UNC13C: variants seen among roughly 807,000 people sequenced by gnomAD.
UNC13C encodes protein unc-13 homolog C.
In UNC13C, 174 loss-of-function variants were observed where a neutral mutation model predicts 245.4. The ratio of observed to expected loss-of-function variants is 0.71; its 90% CI spans 0.63 to 0.80. The LOEUF is 0.80. Ranked by LOEUF, UNC13C falls within the 30% of genes least tolerant of loss-of-function variation. UNC13C has a pLI of 0.00. For synonymous variants in UNC13C, 992 were observed against 895.1 expected (o/e 1.11, Z -1.93); for missense variants, 2,829 against 2,602.9 (o/e 1.09, Z -1.89).
chr15:53,931,542 C>T, the UNC13C span, among the ~76,000 whole-genome samples: 17 of 152,036 alleles, frequency 1.1e-4, no homozygotes, highest in South Asian at 3.3e-3. Flanking sequence ...TACAAATTGT[C>T]TTTGCTTCCT....
At chr15:54,421,435 G>C (rs1398968905) in intron 19 of UNC13C, among the ~76,000 whole-genome samples, 2 of 151,936 alleles carry the variant, frequency 1.3e-5, no homozygotes, top group Non-Finnish European at 2.9e-5. Context: ...TGGACCCCAG[G>C]TTCAAAACTT....
At chr15:54,579,379 C>T (rs1182772501) in intron 30 of UNC13C, among the ~76,000 whole-genome samples, 1 of 151,988 alleles carries the variant, frequency 6.6e-6, no homozygotes, top group African/African-American at 2.4e-5. Context: ...TAATTGATTG[C>T]CAAGGTGCAG....
the UNC13C span, among the ~76,000 whole-genome samples, chr15:53,957,519 T>C: frequency 1.3e-5 from 2 of 152,168 alleles, no homozygotes; most frequent in Non-Finnish European, 2.9e-5. Flanking sequence ...CAATATAATT[T>C]TTAAAAAATC....
intron 2 of UNC13C, among the ~76,000 whole-genome samples, chr15:54,038,528 C>A (rs1005609637): frequency 9.9e-5 from 15 of 152,052 alleles, no homozygotes; most frequent in Admixed American, 6.6e-5. Flanking sequence ...CTCCCATTTA[C>A]AAATGAGGTT....
intron 2 of UNC13C, among the ~76,000 whole-genome samples, chr15:54,120,930 T>C (rs2141193907): frequency 6.6e-6 from 1 of 152,276 alleles, no homozygotes; most frequent in South Asian, 2.1e-4. Flanking sequence ...GAGGAGTTGC[T>C]TCTTATGGAT....
At chr15:53,891,228 CT>C in the UNC13C span, among the ~76,000 whole-genome samples, 1 of 152,138 alleles carries the variant, frequency 6.6e-6, no homozygotes, top group African/African-American at 2.4e-5. Flanking sequence ...TTCTGAGAGA[CT>C]GTTTGTTATG....
At chr15:54,558,841 C>T (rs1339868691) in intron 29 of UNC13C, among the ~76,000 whole-genome samples, 2 of 152,048 alleles carry the variant, frequency 1.3e-5, no homozygotes, top group East Asian at 1.9e-4. Context: ...TCTATATGTG[C>T]AAACTAATAG....
At chr15:54,194,326 C>T (rs1048799639) in intron 4 of UNC13C, among the ~76,000 whole-genome samples, 1 of 152,100 alleles carries the variant, frequency 6.6e-6, no homozygotes, top group Non-Finnish European at 1.5e-5. Context: ...TCTTAAATTG[C>T]ACCCTTAGCT....
chr15:54,426,074 A>G (rs2040753346), intron 19 of UNC13C, among the ~76,000 whole-genome samples: 1 of 151,678 alleles, frequency 6.6e-6, no homozygotes, highest in Non-Finnish European at 1.5e-5. Flanking sequence ...TGTCCTGTTG[A>G]GTACATTGAG....
chr15:54,228,755 C>G (rs2140808134), intron 4 of UNC13C, among the ~76,000 whole-genome samples: 1 of 152,280 alleles, frequency 6.6e-6, no homozygotes, highest in South Asian at 2.1e-4. Flanking sequence ...GCTCTTCCCT[C>G]TCCCCTCCTT....
chr15:54,389,744 T>TC (rs996987485), intron 17 of UNC13C, among the ~76,000 whole-genome samples: 17 of 152,096 alleles, frequency 1.1e-4, no homozygotes, highest in Non-Finnish European at 2.4e-4. Flanking sequence ...TTTTTTTTTT[T>TC]CTGTGATGGA....
chr15:54,088,368 T>G (rs1242038085), intron 2 of UNC13C, among the ~76,000 whole-genome samples: 2 of 152,046 alleles, frequency 1.3e-5, no homozygotes, highest in Non-Finnish European at 2.9e-5. Context: ...TTAGGAAAAG[T>G]TGGGCAGAGA....
Position 54,306,114 on chromosome 15 carries a change from C to G in UNC13C, c.4268+5741C>G, listed in dbSNP as rs563812194. Among the ~76,000 whole-genome samples the G allele has an allele frequency of 1.2e-4, 19 of 152,142 alleles. No individual in the cohort carries two copies. The South Asian group carries it at 3.7e-3, about 30-fold the overall frequency. ...AGTCTGAAACTATTTTGCTGGTAAACCTGAGCATTAGGACTGAACGTCCCA... is the reference window on the plus strand; with the variant it reads ...AGTCTGAAACTATTTTGCTGGTAAAGCTGAGCATTAGGACTGAACGTCCCA... On this transcript the variant is annotated intron_variant, in intron 13 of 32. Transcript: ENST00000260323.
At chr15:54,088,871 G>A (rs1899401564) in intron 2 of UNC13C, among the ~76,000 whole-genome samples, 2 of 152,178 alleles carry the variant, frequency 1.3e-5, no homozygotes, top group South Asian at 4.1e-4. Context: ...AGAATTTGAG[G>A]AGGAGGAAAA....
intron 4 of UNC13C, among the ~76,000 whole-genome samples, chr15:54,211,270 G>T (rs557372330): frequency 6.6e-6 from 1 of 152,086 alleles, no homozygotes; most frequent in Non-Finnish European, 1.5e-5. Context: ...TTCTATAAAT[G>T]TTATGTAGAA....
intron 17 of UNC13C, among the ~76,000 whole-genome samples, chr15:54,344,942 AGCAGC>A (rs745965591): frequency 0.064 from 9,772 of 152,236 alleles, 387 homozygotes; most frequent in Admixed American, 0.11. Context: ...TTCTCAACAG[AGCAGC>A]CAGAATTATT....
At chr15:54,190,445 G>A (rs917510758) in intron 4 of UNC13C, among the ~76,000 whole-genome samples, 2 of 151,888 alleles carry the variant, frequency 1.3e-5, no homozygotes, top group African/African-American at 4.8e-5. Context: ...TATCTTTTTA[G>A]TGATGTTCTA....
chr15:54,533,489 T>C (rs1433887884), intron 26 of UNC13C, among the ~76,000 whole-genome samples: 1 of 152,214 alleles, frequency 6.6e-6, no homozygotes, highest in African/African-American at 2.4e-5. Context: ...TAGAATTAAC[T>C]TAGCTCAGAG....
At chr15:53,965,583 T>C in the UNC13C span, among the ~76,000 whole-genome samples, 267 of 150,534 alleles carry the variant, frequency 1.8e-3, no homozygotes, top group African/African-American at 6.2e-3. Context: ...ATTATTATTA[T>C]ACTTTAAGTT....
Sources: allele counts gnomAD v4.1 joint callset (sites outside exome capture counted in the v4.1 genomes callset), GRCh38; gene constraint gnomAD v4.1.1; transcripts MANE v1.5; gene names NCBI Gene and HGNC (gene_info 2026-07-23, HGNC 2026-07-21).